MDGA2: variants seen among roughly 807,000 people sequenced by gnomAD.
The protein encoded by MDGA2 is MAM domain-containing glycosylphosphatidylinositol anchor protein 2.
Under a neutral mutation model 117.8 loss-of-function variants are expected in MDGA2, and 40 were observed. The observed-to-expected ratio is 0.34, with a 90% CI of 0.26 to 0.44. The LOEUF (loss-of-function observed/expected upper bound fraction) is 0.44. Ranked by LOEUF, MDGA2 falls within the 20% of genes least tolerant of loss-of-function variation. The pLI, the probability that MDGA2 is intolerant of heterozygous loss-of-function variation, is 1.00. For missense variants in MDGA2, 1,123 were observed against 1,250.6 expected (o/e 0.90, Z 1.54); for synonymous variants, 452 against 439.0 (o/e 1.03, Z -0.37).
chr14:47,159,776 C>G (rs1032064256), intron 3 of MDGA2, among the ~76,000 whole-genome samples: 5 of 152,000 alleles, frequency 3.3e-5, no homozygotes, highest in African/African-American at 7.2e-5. Context: ...CTACTTAGAT[C>G]CTTTGTCTAT....
chr14:46,887,827 A>T (rs1160310949), intron 10 of MDGA2, among the ~76,000 whole-genome samples: 1 of 152,002 alleles, frequency 6.6e-6, no homozygotes, highest in Admixed American at 6.6e-5. Flanking sequence ...GATAAAATCA[A>T]TTTAAACACA....
chr14:46,966,214 C>G (rs1886025805), intron 8 of MDGA2, among the ~76,000 whole-genome samples: 1 of 151,954 alleles, frequency 6.6e-6, no homozygotes, highest in Non-Finnish European at 1.5e-5. Context: ...AAAAGACGAA[C>G]AGAAAAATTA....
chr14:46,950,470 T>A (rs890451607), intron 9 of MDGA2, among the ~76,000 whole-genome samples: 3 of 152,034 alleles, frequency 2.0e-5, no homozygotes, highest in African/African-American at 7.2e-5. Flanking sequence ...AGGCTGTACA[T>A]AGAAGTGATA....
At chr14:47,608,097 T>C (rs1298479321) in intron 1 of MDGA2, among the ~76,000 whole-genome samples, 2 of 152,128 alleles carry the variant, frequency 1.3e-5, no homozygotes, top group African/African-American at 2.4e-5. Context: ...TTGAGAGACA[T>C]AATGTAAGCC....
At chr14:47,506,364 T>C (rs1334755783) in intron 1 of MDGA2, among the ~76,000 whole-genome samples, 1 of 152,230 alleles carries the variant, frequency 6.6e-6, no homozygotes, top group Non-Finnish European at 1.5e-5. Context: ...TTCCCAACCT[T>C]GTTCACACCC....
At position 47,371,377 on chromosome 14, in the gene MDGA2, A is replaced by C. The variant is rs961699476; in HGVS notation, c.281-69827T>G. On this transcript the variant is annotated intron_variant, in intron 1 of 16. Coordinates refer to ENST00000399232, the MANE Select transcript of MDGA2 (RefSeq NM_001113498.3). The stretch of plus-strand genomic sequence containing the variant: ...AGACTCAAGTTATTTGGAAGTATCA[A>C]TCTCTTTTAGTCATCTAAATTAATG... Among the ~76,000 whole-genome samples the C allele has an allele frequency of 2.0e-5, 3 of 151,824 alleles. No homozygotes were observed. The South Asian group carries it at 6.2e-4, about 31-fold the overall frequency.
chr14:47,017,454 A>G (rs1002736477), intron 8 of MDGA2, among the ~76,000 whole-genome samples: 1 of 152,062 alleles, frequency 6.6e-6, no homozygotes, highest in Non-Finnish European at 1.5e-5. Context: ...TATTATGTCC[A>G]GCTACAAAGA....
At chr14:47,214,018 G>C (rs529930489) in intron 3 of MDGA2, among the ~76,000 whole-genome samples, 2 of 152,042 alleles carry the variant, frequency 1.3e-5, no homozygotes, top group South Asian at 4.1e-4. Flanking sequence ...GCGAAGAGGG[G>C]GGTAAAGAGT....
chr14:47,048,481 T>C (rs1043860836), intron 7 of MDGA2, among the ~76,000 whole-genome samples: 1 of 152,096 alleles, frequency 6.6e-6, no homozygotes, highest in Admixed American at 6.6e-5. Context: ...AAAAGGCCAT[T>C]TGTCTCCTTG....
At chr14:47,238,446 C>T (rs527271776) in intron 2 of MDGA2, among the ~76,000 whole-genome samples, 2 of 146,388 alleles carry the variant, frequency 1.4e-5, no homozygotes, top group South Asian at 4.3e-4. Flanking sequence ...TAAGCATTGA[C>T]AAGCAGAAAT....
chr14:47,014,517 T>C (rs1446803228), intron 8 of MDGA2, among the ~76,000 whole-genome samples: 3 of 152,228 alleles, frequency 2.0e-5, no homozygotes, highest in Non-Finnish European at 4.4e-5. Context: ...TGATTTTAGC[T>C]AAGTCTTCCA....
chr14:47,485,521 G>T (rs991200399), intron 1 of MDGA2, among the ~76,000 whole-genome samples: 13 of 152,304 alleles, frequency 8.5e-5, no homozygotes, highest in East Asian at 1.9e-4. Flanking sequence ...ACCAGCTGCA[G>T]AAATTTGCAT....
chr14:47,656,929 T>C (rs1239334539), intron 1 of MDGA2, among the ~76,000 whole-genome samples: 7 of 152,184 alleles, frequency 4.6e-5, no homozygotes, highest in Admixed American at 4.6e-4. Flanking sequence ...AATCGATGCA[T>C]GTAACTTCCA....
At chr14:47,555,255 T>C (rs1207367147) in intron 1 of MDGA2, among the ~76,000 whole-genome samples, 2 of 152,178 alleles carry the variant, frequency 1.3e-5, no homozygotes. Flanking sequence ...GAAACTTTGA[T>C]TTTCATTGCT....
chr14:47,125,419 A>G (rs905455884), intron 5 of MDGA2, among the ~76,000 whole-genome samples: 1 of 152,150 alleles, frequency 6.6e-6, no homozygotes, highest in Non-Finnish European at 1.5e-5. Context: ...AAGGTTTTAT[A>G]CTGAAATTCA....
At chr14:47,049,492 T>C (rs917962079) in intron 7 of MDGA2, among the ~76,000 whole-genome samples, 3 of 152,106 alleles carry the variant, frequency 2.0e-5, no homozygotes, top group Admixed American at 6.6e-5. Flanking sequence ...TTTTTATTTG[T>C]ATAATTTTTA....
intron 1 of MDGA2, among the ~76,000 whole-genome samples, chr14:47,364,655 A>G (rs1328208084): frequency 6.6e-6 from 1 of 152,228 alleles, no homozygotes; most frequent in Admixed American, 6.5e-5. Context: ...GCAAATGCAG[A>G]TATACTCACT....
chr14:47,091,348 T>C (rs191331881), intron 6 of MDGA2, among the ~76,000 whole-genome samples: 88 of 152,238 alleles, frequency 5.8e-4, no homozygotes, highest in African/African-American at 2.0e-3. Flanking sequence ...TCTTTACCCC[T>C]ATAGTCCTAT....
At chr14:47,244,298 C>T (rs1887167160) in intron 2 of MDGA2, among the ~76,000 whole-genome samples, 1 of 151,266 alleles carries the variant, frequency 6.6e-6, no homozygotes, top group Admixed American at 6.6e-5. Context: ...TTCTATTTGC[C>T]CTAAAGCAAT....
Sources: allele counts gnomAD v4.1 joint callset (sites outside exome capture counted in the v4.1 genomes callset), GRCh38; gene constraint gnomAD v4.1.1; transcripts MANE v1.5; gene names NCBI Gene and HGNC (gene_info 2026-07-23, HGNC 2026-07-21).